Variants in IGSF3 observed in about 807,000 individuals in gnomAD.
The protein encoded by IGSF3 is glu-Trp-Ile EWI motif-containing protein 3.
IGSF3 carries 23 observed loss-of-function variants against 114.4 expected under a neutral mutation model. That is an observed-to-expected ratio of 0.20 (90% confidence interval 0.14 to 0.28). The LOEUF is 0.28. IGSF3 is among the 10% of genes least tolerant of loss of function. The pLI is 1.00. For missense variants in IGSF3, 1,172 were observed against 1,591.5 expected, an observed-to-expected ratio of 0.74 and a Z score of 4.48; for synonymous variants, 571 against 645.2, an observed-to-expected ratio of 0.88 and a Z score of 1.74.
intron 7 of IGSF3, among the ~76,000 whole-genome samples, chr1:116,590,380 A>G (rs1660058958): frequency 6.6e-6 from 1 of 152,094 alleles, no homozygotes; most frequent in Non-Finnish European, 1.5e-5. Flanking sequence ...TGAAAAAAAA[A>G]AAACAAAAAA....
In IGSF3 at chr1:116,636,323, A is replaced by G. The variant is rs967271584; in HGVS notation, c.44-19866T>C. ...GCCCTATCTCCCCTTTTTGGCCTCAAGCACATCACGAGGAAGGCTGGTGAC... is the reference window on the plus strand; with the variant it reads ...GCCCTATCTCCCCTTTTTGGCCTCAGGCACATCACGAGGAAGGCTGGTGAC... On this transcript the variant is annotated intron_variant, in intron 2 of 10. Transcript: ENST00000369486. The surrounding 1 kb of genome is among the most constrained non-coding windows in gnomAD (Gnocchi z 4.5). Among the ~76,000 whole-genome samples the G allele has an allele frequency of 1.3e-5, 2 of 152,186 alleles. No individual in the cohort carries two copies. The highest frequency in any genetic ancestry group is 4.8e-5 in the African/African-American group (2 of 41,446).
At chr1:116,581,320 CTTTTTTTTTTT>C (rs955415319) in intron 9 of IGSF3, among the ~76,000 whole-genome samples, 6 of 70,592 alleles carry the variant, frequency 8.5e-5, no homozygotes, top group Non-Finnish European at 1.1e-4. Context: ...GTTTTGCTGT[CTTTTTTTTTTT>C]TTTTTTTTTT....
chr1:116,599,838 G>C (rs1284959143), intron 7 of IGSF3, 103 bp downstream of exon 7: 1 of 994,886 alleles, frequency 1.0e-6, no homozygotes, highest in Non-Finnish European at 1.5e-6. Flanking sequence ...TGAAGAGCTG[G>C]GAAAGGGGGA....
rs958060121 is a variant in IGSF3 at position 116,648,402 on chromosome 1, A to G, written c.43+17882T>C. On this transcript the variant is annotated intron_variant, in intron 2 of 10. Coordinates refer to ENST00000369486, the MANE Select transcript of IGSF3 (RefSeq NM_001007237.3). The surrounding 1 kb of genome is among the most constrained non-coding windows in gnomAD (Gnocchi z 4.7). The stretch of plus-strand genomic sequence containing the variant: ...ATGCACGGGAGATCACACACAGAGT[A>G]AGAGGTGCCTCTCAAATGCCTTTCC... Among the ~76,000 whole-genome samples, 8 of 152,186 alleles carry G rather than the reference A, an allele frequency of 5.3e-5. No individual in the cohort carries two copies. The highest frequency in any genetic ancestry group is 1.2e-4 in the Non-Finnish European group (8 of 68,026).
chr1:116,656,327 G>A (rs1648848220), intron 2 of IGSF3, among the ~76,000 whole-genome samples: 1 of 104,850 alleles, frequency 9.5e-6, no homozygotes, highest in Admixed American at 1.4e-4. Flanking sequence ...TTTTGACGGA[G>A]TCTCACTCTG....
chr1:116,578,318 T>C (rs934419056), intron 10 of IGSF3, among the ~76,000 whole-genome samples: 2 of 152,344 alleles, frequency 1.3e-5, no homozygotes, highest in Non-Finnish European at 2.9e-5. Context: ...AAATGTTGCC[T>C]AGACTGCTTT....
rs2101046878 is a variant in IGSF3 at position 116,636,211 on chromosome 1, C to T, written c.44-19754G>A. On this transcript the variant is annotated intron_variant, in intron 2 of 10. Coordinates refer to ENST00000369486, the MANE Select transcript of IGSF3 (RefSeq NM_001007237.3). This position sits in a 1 kb window ranked among gnomAD's most constrained non-coding sequence, Gnocchi z 4.5. ...AGAAGAATTCCCCATACCGAGTCTA[C>T]CATTCCTTCCCTGATCAAAGTTGCT... Among the ~76,000 whole-genome samples, 1 of 152,344 alleles carries T rather than the reference C, an allele frequency of 6.6e-6. No homozygotes were observed.
rs989015512 is a variant in IGSF3, at chr1:116,657,338, C to G, written c.43+8946G>C. Among the ~76,000 whole-genome samples, 1 of 152,146 alleles carries G rather than the reference C, an allele frequency of 6.6e-6. No individual in the cohort carries two copies. The highest frequency in any genetic ancestry group is 1.5e-5 in the Non-Finnish European group (1 of 68,030). The stretch of plus-strand genomic sequence containing the variant: ...AGTGGGCAAACACCACCCAGGTTAT[C>G]CAAGGTTCCTAAGGCCCAAAGCAGC... On this transcript the variant is annotated intron_variant, in intron 2 of 10. Coordinates refer to ENST00000369486, the MANE Select transcript of IGSF3 (RefSeq NM_001007237.3). The surrounding 1 kb of genome is among the most constrained non-coding windows in gnomAD (Gnocchi z 4.2).
At position 116,651,222 on chromosome 1, in the gene IGSF3, C is replaced by A. The variant is rs911064316; in HGVS notation, c.43+15062G>T. Among the ~76,000 whole-genome samples, 2 of 152,240 alleles carry A rather than the reference C, an allele frequency of 1.3e-5. No homozygotes were observed. Among genetic ancestry groups the A allele is most frequent in the African/African-American group, 4.8e-5 (2 of 41,460 alleles). On this transcript the variant is annotated intron_variant, in intron 2 of 10. Transcript: ENST00000369486. The surrounding 1 kb of genome is among the most constrained non-coding windows in gnomAD (Gnocchi z 4.4). ...CCTACACTAAGACTTAAAGGGAAGG[C>A]TTCTTTGGCTATGCCAGTATCTCTT... is the stretch of plus-strand genomic sequence containing the variant.
In IGSF3 at chr1:116,598,236, A is replaced by G. The variant is rs115784738; in HGVS notation, c.2029+1705T>C. 0.027 allele frequency among the ~76,000 whole-genome samples: 4,093 copies of G among 152,160 alleles called. 171 individuals carry two copies. The highest frequency in any genetic ancestry group is 0.09 in the African/African-American group (3,752 of 41,482). ...TGTGATGGGCAATGCTGCTCAGAAA[A>G]CTGACCTTGAGAGCCAGAGGGGACA... is the stretch of plus-strand genomic sequence containing the variant. On this transcript the variant is annotated intron_variant, in intron 7 of 10. Transcript: ENST00000369486. The surrounding 1 kb of genome is among the most constrained non-coding windows in gnomAD (Gnocchi z 4.3).
Position 116,593,081 on chromosome 1 carries a change from G to A in IGSF3, c.2030-3977C>T, listed in dbSNP as rs1207391699. 1.3e-5 allele frequency among the ~76,000 whole-genome samples: 2 copies of A among 152,100 alleles called. No individual in the cohort carries two copies. Among genetic ancestry groups the A allele is most frequent in the Non-Finnish European group, 2.9e-5 (2 of 68,014 alleles). On this transcript the variant is annotated intron_variant, in intron 7 of 10. Coordinates refer to ENST00000369486, the MANE Select transcript of IGSF3 (RefSeq NM_001007237.3). This position sits in a 1 kb window ranked among gnomAD's most constrained non-coding sequence, Gnocchi z 4.5. ...GGATGAGGTTAGAAAGGTAAGCTTC[G>A]GCCACACTGCAAGGGGCCTGCAGCT...
At chr1:116,646,525 G>A (rs1648380626) in intron 2 of IGSF3, among the ~76,000 whole-genome samples, 1 of 152,206 alleles carries the variant, frequency 6.6e-6, no homozygotes, top group Non-Finnish European at 1.5e-5. Flanking sequence ...GTCAAGGAGA[G>A]AATCTCCTTA....
In IGSF3 at chr1:116,616,119, G is replaced by C. The variant is rs763453796; in HGVS notation, c.382C>G (p.Gln128Glu). The change falls in exon 3 of 11, where the codon CAA (glutamine) becomes GAA (glutamate). Residue 128 changes from glutamine to glutamate, a missense_variant. By Grantham distance (29) the Gln-to-Glu change is conservative (BLOSUM62 2). Coordinates refer to ENST00000369486, the MANE Select transcript of IGSF3 (RefSeq NM_001007237.3). The surrounding 1 kb of genome is among the most constrained non-coding windows in gnomAD (Gnocchi z 6.6). ...TTTGCACTGTAACTCCCAAAGTATT[G>C]CTTATCAGTGCTGGGTGTGTGGCAT... ...YECHTPSTDK[Q>E]YFGSYSAKMN... The C allele has an allele frequency of 1.2e-6, 2 of 1,610,658 alleles. No homozygotes were observed. The highest frequency in any genetic ancestry group is 4.5e-5 in the East Asian group (2 of 44,744).
rs1426737276 is a variant in IGSF3 at position 116,632,287 on chromosome 1, A to G, written c.44-15830T>C. ...ACCATCCCCCAAAACCTCCCACCCC[A>G]CCTAGTGCTGATAACAGGAGTTATC... On this transcript the variant is annotated intron_variant, in intron 2 of 10. Coordinates refer to ENST00000369486, the MANE Select transcript of IGSF3 (RefSeq NM_001007237.3). This position sits in a 1 kb window ranked among gnomAD's most constrained non-coding sequence, Gnocchi z 5.1. Among the ~76,000 whole-genome samples, 1 of 152,038 alleles carries G rather than the reference A, an allele frequency of 6.6e-6. No individual in the cohort carries two copies. The highest frequency in any genetic ancestry group is 2.4e-5 in the African/African-American group (1 of 41,400).
In IGSF3 at chr1:116,579,513, G is replaced by T. The variant is rs1557852850; in HGVS notation, c.3213C>A (p.Ser1071Arg). The T allele has an allele frequency of 1.4e-5, 23 of 1,614,148 alleles. No homozygotes were observed. The highest frequency in any genetic ancestry group is 1.9e-5 in the Non-Finnish European group (23 of 1,180,026). The change falls in exon 10 of 11, where the codon AGC becomes AGA. Residue 1071 changes from serine to arginine, a missense_variant. This residue lies in a region of IGSF3 where 423 missense variants were observed against 509.8 expected (regional missense o/e 0.83). Transcript: ENST00000369486. The surrounding 1 kb of genome is among the most constrained non-coding windows in gnomAD (Gnocchi z 6.4). ...AGGAGTAATTGCCTGTATCTTGGGGGCTTGCCTGCAGCACTGTGAGCCGGT... is the reference window on the plus strand; with the variant it reads ...AGGAGTAATTGCCTGTATCTTGGGGTCTTGCCTGCAGCACTGTGAGCCGGT... ...VLYRLTVLQA[S>R]PQDTGNYSCH... is the part of the protein sequence containing the mutation.
chr1:116,610,509 T>G lies in IGSF3; in HGVS notation c.833-2178A>C, dbSNP rs1660979304. Reference sequence around the variant, plus strand: ...GACCTGTGCTTTTTCCAATACCCCTTCCACTTCATCTCACTGAAATTAGGC... The same window carrying G: ...GACCTGTGCTTTTTCCAATACCCCTGCCACTTCATCTCACTGAAATTAGGC... On this transcript the variant is annotated intron_variant, in intron 4 of 10. Transcript: ENST00000369486. The surrounding 1 kb of genome is among the most constrained non-coding windows in gnomAD (Gnocchi z 4.3). 6.6e-6 allele frequency among the ~76,000 whole-genome samples: 1 copy of G among 152,128 alleles called. No homozygotes were observed. Among genetic ancestry groups the G allele is most frequent in the African/African-American group, 2.4e-5 (1 of 41,404 alleles).
rs1446294109 is a variant in IGSF3 at position 116,574,619 on chromosome 1, A to G, written c.*2693T>C. 1 of 152,640 alleles carries G rather than the reference A, an allele frequency of 6.6e-6. No individual in the cohort carries two copies. Among genetic ancestry groups the G allele is most frequent in the African/African-American group, 2.4e-5 (1 of 41,448 alleles). 9.5% of individuals were successfully genotyped at this position (152,640 alleles called of 1,614,324 possible). A position where few individuals can be genotyped will look rare whatever the true frequency, so the allele number is the denominator to read the frequency against. ...AAAGAATATGAAAACTTGCTACAGA[A>G]ACACCCGGTGAAAGAGGGTGTGGTC... On this transcript the variant is annotated 3_prime_UTR_variant, in exon 11 of 11. Transcript: ENST00000369486. The surrounding 1 kb of genome is among the most constrained non-coding windows in gnomAD (Gnocchi z 5.2).
At chr1:116,602,248 T>G (rs1041115734) in intron 6 of IGSF3, among the ~76,000 whole-genome samples, 2 of 151,932 alleles carry the variant, frequency 1.3e-5, no homozygotes, top group African/African-American at 2.4e-5. Context: ...CCACCAGACA[T>G]ATGGTGAGTA....
At chr1:116,667,525 C>CCCCT (rs1649389959) in intron 1 of IGSF3, 93 bp downstream of exon 1, 1 of 147,424 alleles carries the variant, frequency 6.8e-6, no homozygotes, top group Non-Finnish European at 1.5e-5. Flanking sequence ...GGCCCGCTCC[C>CCCCT]CACTCCCCGC....
Sources: allele counts gnomAD v4.1 joint callset (sites outside exome capture counted in the v4.1 genomes callset), GRCh38; gene constraint gnomAD v4.1.1; regional missense constraint gnomAD v4.1.1; non-coding constraint Gnocchi (gnomAD v3.1); transcripts MANE v1.5; gene names NCBI Gene and HGNC (gene_info 2026-07-23, HGNC 2026-07-21).